The following TTC29 variants were observed in gnomAD, a reference collection of about 807,000 sequenced individuals.
TTC29 encodes the protein tetratricopeptide repeat protein 29.
A neutral mutation model predicts 58.1 loss-of-function variants in TTC29; 49 were observed. The observed-to-expected ratio is 0.84, with a 90% CI of 0.67 to 1.07. The LOEUF (loss-of-function observed/expected upper bound fraction) is 1.07, where lower values mean the gene tolerates loss of function less well. TTC29 is among the 50% of genes least tolerant of loss of function. TTC29 has a pLI of 0.00. For missense variants in TTC29, 582 were observed against 555.6 expected, an observed-to-expected ratio of 1.05 and a Z score of -0.48; for synonymous variants, 209 against 196.8, an observed-to-expected ratio of 1.06 and a Z score of -0.52.
At chr4:146,753,446 TG>T (rs1216070113) in intron 11 of TTC29, among the ~76,000 whole-genome samples, 1 of 152,242 alleles carries the variant, frequency 6.6e-6, no homozygotes, top group Non-Finnish European at 1.5e-5. Flanking sequence ...ACTTTTACAC[TG>T]TTGGTGGGAC....
At chr4:146,803,406 A>G in intron 11 of TTC29, 51 bp downstream of exon 11, 1 of 1,243,116 alleles carries the variant, frequency 8.0e-7, no homozygotes, top group Non-Finnish European at 1.1e-6. Flanking sequence ...AAGTAAATTA[A>G]TCATTGAGAA....
At chr4:146,873,322 C>T (rs977063882) in intron 7 of TTC29, among the ~76,000 whole-genome samples, 2 of 152,054 alleles carry the variant, frequency 1.3e-5, no homozygotes, top group African/African-American at 4.8e-5. Flanking sequence ...AACCTATGTA[C>T]TTTCTTAGAT....
At chr4:146,800,645 C>G (rs1055076540) in intron 11 of TTC29, among the ~76,000 whole-genome samples, 1 of 152,044 alleles carries the variant, frequency 6.6e-6, no homozygotes, top group Non-Finnish European at 1.5e-5. Context: ...ACAGGTTTTC[C>G]AAGAAGGGGG....
intron 8 of TTC29, among the ~76,000 whole-genome samples, chr4:146,849,226 A>C (rs998548272): frequency 1.3e-5 from 2 of 152,118 alleles, no homozygotes; most frequent in South Asian, 4.1e-4. Context: ...ACCTCGAAAT[A>C]TATATTAATA....
intron 9 of TTC29, among the ~76,000 whole-genome samples, chr4:146,826,973 A>C (rs1727847294): frequency 6.6e-6 from 1 of 151,654 alleles, no homozygotes; most frequent in Admixed American, 6.6e-5. Context: ...TTCCTCTCTA[A>C]ACTGGTTATT....
At chr4:146,739,837 C>T (rs1014346475) in intron 11 of TTC29, among the ~76,000 whole-genome samples, 6 of 152,132 alleles carry the variant, frequency 3.9e-5, no homozygotes, top group Non-Finnish European at 8.8e-5. Flanking sequence ...AGTTAACCAC[C>T]AGATTTGTCT....
chr4:146,864,687 T>C (rs891054231), intron 8 of TTC29, among the ~76,000 whole-genome samples: 2 of 152,196 alleles, frequency 1.3e-5, no homozygotes, highest in African/African-American at 4.8e-5. Context: ...TTCCAGGGAT[T>C]CCTTGACTTG....
intron 2 of TTC29, among the ~76,000 whole-genome samples, chr4:146,941,703 T>A (rs1345200085): frequency 6.6e-6 from 1 of 152,182 alleles, no homozygotes; most frequent in Non-Finnish European, 1.5e-5. Flanking sequence ...AAAACTGGCT[T>A]TTATTCTTAT....
intron 7 of TTC29, among the ~76,000 whole-genome samples, chr4:146,870,340 A>G (rs910539335): frequency 6.6e-6 from 1 of 152,068 alleles, no homozygotes; most frequent in Admixed American, 6.6e-5. Context: ...ACCAAAATGT[A>G]TGGGATACAA....
intron 4 of TTC29, among the ~76,000 whole-genome samples, chr4:146,923,398 T>A (rs1416683980): frequency 6.6e-6 from 1 of 151,498 alleles, no homozygotes; most frequent in Non-Finnish European, 1.5e-5. Context: ...ATCTCAGAAT[T>A]GGAAGAATAG....
In TTC29 at chr4:146,820,173, T is replaced by C. The variant is rs201238077; in HGVS notation, c.1053A>G (p.Leu351=). 18 of 1,613,356 alleles carry C rather than the reference T, an allele frequency of 1.1e-5. No homozygotes were observed. In the African/African-American group the frequency reaches 1.9e-4, roughly 17 times the overall value. The change falls in exon 10 of 13, where the codon CTA becomes CTG. Residue 351 remains leucine, a synonymous_variant. Coordinates refer to ENST00000325106, the MANE Select transcript of TTC29 (RefSeq NM_031956.4). ...GCATTGTACTTGCTCTCACCAAATC[T>C]AGGCTTTGAAAATTGTTTCTTGCAA... ...VKIARNNFQS[L]DLVRASTMLG...
At chr4:146,943,921 A>T (rs964858422) in intron 2 of TTC29, among the ~76,000 whole-genome samples, 4 of 152,182 alleles carry the variant, frequency 2.6e-5, no homozygotes, top group Admixed American at 1.3e-4. Flanking sequence ...GACTAGTGCT[A>T]TGAGGTGACT....
At chr4:146,829,428 C>T (rs939210324) in intron 9 of TTC29, among the ~76,000 whole-genome samples, 1 of 152,182 alleles carries the variant, frequency 6.6e-6, no homozygotes, top group Non-Finnish European at 1.5e-5. Flanking sequence ...AGAGATGAAA[C>T]AGCCACTAAG....
rs185414857 is a variant in TTC29 at position 146,708,409 on chromosome 4, A to T, written c.1331-858T>A. On this transcript the variant is annotated intron_variant, in intron 11 of 12. Coordinates refer to ENST00000325106, the MANE Select transcript of TTC29 (RefSeq NM_031956.4). ...ATACATATATAAACATATATATATA[A>T]AAACTTCCCACATTGACTTCATTAT... Among the ~76,000 whole-genome samples the T allele has an allele frequency of 5.9e-4, 85 of 145,134 alleles. No individual in the cohort carries two copies. In the East Asian group the frequency reaches 6.2e-3, roughly 11 times the overall value.
At chr4:146,781,394 T>C (rs1184335083) in intron 11 of TTC29, among the ~76,000 whole-genome samples, 1 of 151,962 alleles carries the variant, frequency 6.6e-6, no homozygotes, top group Non-Finnish European at 1.5e-5. Context: ...GGAAGATTTC[T>C]TTCTTTTAAG....
chr4:146,826,534 C>G (rs531873181), intron 9 of TTC29, among the ~76,000 whole-genome samples: 9 of 152,184 alleles, frequency 5.9e-5, no homozygotes, highest in East Asian at 1.9e-4. Flanking sequence ...TTCTGGCCAC[C>G]CTTAACAGTT....
chr4:146,934,820 T>C (rs1735647308), intron 4 of TTC29, among the ~76,000 whole-genome samples: 1 of 152,016 alleles, frequency 6.6e-6, no homozygotes, highest in African/African-American at 2.4e-5. Context: ...TCTAGGAAGC[T>C]GGGAACAGAA....
In TTC29 at chr4:146,752,919, T is replaced by C. The variant is rs902015186; in HGVS notation, c.1331-45368A>G. 1.2e-4 allele frequency among the ~76,000 whole-genome samples: 18 copies of C among 152,196 alleles called. 1 individual carries two copies. Among genetic ancestry groups the C allele is most frequent in the Non-Finnish European group, 1.8e-4 (12 of 68,038 alleles). ...AATTAATTCAAGATGGATTAAAGAC[T>C]TACATGTCAGGCCTAAACCATAAAA... On this transcript the variant is annotated intron_variant, in intron 11 of 12. Coordinates refer to ENST00000325106, the MANE Select transcript of TTC29 (RefSeq NM_031956.4).
At chr4:146,856,263 C>T (rs552179366) in intron 8 of TTC29, among the ~76,000 whole-genome samples, 2 of 151,990 alleles carry the variant, frequency 1.3e-5, no homozygotes, top group Non-Finnish European at 2.9e-5. Flanking sequence ...TACCTAGATA[C>T]AAAAACTTCA....
Sources: allele counts gnomAD v4.1 joint callset (sites outside exome capture counted in the v4.1 genomes callset), GRCh38; gene constraint gnomAD v4.1.1; transcripts MANE v1.5; gene names NCBI Gene and HGNC (gene_info 2026-07-23, HGNC 2026-07-21).